The following H3-7 variants were observed in gnomAD, a reference collection of about 807,000 sequenced individuals.
The protein encoded by H3-7 is histone H3-7.
chr1:143,904,325 G>T, the H3-7 span: 6 of 1,578,322 alleles, frequency 3.8e-6, 1 homozygote, highest in East Asian at 4.6e-5. Flanking sequence ...TCTGGATCTC[G>T]CGGGACGTGA....
At chr1:143,905,927 C>T in the H3-7 span, 35 of 1,580,148 alleles carry the variant, frequency 2.2e-5, 5 homozygotes, top group East Asian at 6.9e-5. Context: ...GGGGCCTTGC[C>T]GCCGGTCGAC....
the H3-7 span, chr1:143,905,959 C>G: frequency 3.9e-5 from 62 of 1,579,304 alleles, 5 homozygotes; most frequent in East Asian, 4.6e-4. Context: ...CTGCTTAGTA[C>G]GGGCCATGCT....
the H3-7 span, chr1:143,905,658 C>T: frequency 1.3e-6 from 2 of 1,582,958 alleles, no homozygotes; most frequent in South Asian, 1.1e-5. Context: ...CTTCGAACAG[C>T]CCCACCAGGT....
chr1:143,904,629 A>C, the H3-7 span: 1 of 1,580,052 alleles, frequency 6.3e-7, no homozygotes, highest in African/African-American at 1.3e-5. Flanking sequence ...GAGAACAGAG[A>C]CTTAAAGAAG....
chr1:143,904,203 A>G, the H3-7 span: 2 of 1,510,278 alleles, frequency 1.3e-6, no homozygotes, highest in East Asian at 2.3e-5. Context: ...TGGTTGATCT[A>G]TTGCGTCCCT....
chr1:143,904,524 C>T, the H3-7 span: 128 of 1,605,726 alleles, frequency 8.0e-5, no homozygotes, highest in Admixed American at 2.1e-3. Flanking sequence ...GCGCTTCTCG[C>T]CGTCCTTCTT....
At chr1:143,905,769 C>A in the H3-7 span, 4 of 1,582,152 alleles carry the variant, frequency 2.5e-6, no homozygotes, top group East Asian at 9.1e-5. Flanking sequence ...GCTGGAAGGG[C>A]AGCTTGCGGA....
the H3-7 span, chr1:143,904,599 G>A: frequency 3.8e-6 from 6 of 1,586,572 alleles, no homozygotes; most frequent in South Asian, 3.4e-5. Context: ...CGCTGGATCC[G>A]GCATTTTTGC....
At chr1:143,905,973 T>C in the H3-7 span, 22 of 1,578,636 alleles carry the variant, frequency 1.4e-5, 2 homozygotes, top group Non-Finnish European at 1.8e-5. Flanking sequence ...CCATGCTGTC[T>C]CATTGATACG....
chr1:143,905,693 C>T, the H3-7 span: 6 of 1,582,870 alleles, frequency 3.8e-6, no homozygotes, highest in South Asian at 6.8e-5. Flanking sequence ...TCCTGCAGCG[C>T]CATCACGGCC....
At chr1:143,905,828 C>G in the H3-7 span, 1 of 1,582,274 alleles carries the variant, frequency 6.3e-7, no homozygotes, top group Non-Finnish European at 8.7e-7. Context: ...CGCAGAGCCA[C>G]GGTGCCGGGC....
the H3-7 span, among the ~76,000 whole-genome samples, chr1:143,903,301 G>A: frequency 1.0e-5 from 1 of 96,402 alleles, no homozygotes; most frequent in Admixed American, 1.1e-4. Flanking sequence ...AGAAGGACCT[G>A]TAAACAGCCT....
chr1:143,903,128 C>T, the H3-7 span, among the ~76,000 whole-genome samples: 3 of 139,684 alleles, frequency 2.1e-5, no homozygotes, highest in South Asian at 4.9e-4. Context: ...GGAGGCGGAG[C>T]TTGCAGTGAG....
At chr1:143,905,365 G>T in the H3-7 span, 15 of 560,326 alleles carry the variant, frequency 2.7e-5, 1 homozygote, top group Non-Finnish European at 4.8e-5. Flanking sequence ...ATGCCTCTGC[G>T]GCTTTCTCTA....
chr1:143,905,499 A>T, the H3-7 span: 1 of 1,272,282 alleles, frequency 7.9e-7, no homozygotes, highest in African/African-American at 1.5e-5. Flanking sequence ...GCTGCTCTTG[A>T]TGAAAACGGC....
the H3-7 span, chr1:143,904,399 C>T: frequency 5.1e-6 from 8 of 1,582,898 alleles, 2 homozygotes; most frequent in African/African-American, 5.4e-5. Context: ...TCGAAGATGT[C>T]GTTGACGAAG....
At chr1:143,904,529 C>T in the H3-7 span, 3 of 1,600,512 alleles carry the variant, frequency 1.9e-6, no homozygotes, top group Non-Finnish European at 2.6e-6. Context: ...TCTCGCCGTC[C>T]TTCTTCTGCA....
At chr1:143,903,289 G>A in the H3-7 span, among the ~76,000 whole-genome samples, 1 of 102,966 alleles carries the variant, frequency 9.7e-6, no homozygotes, top group African/African-American at 3.8e-5. Flanking sequence ...ATTTTCCTGT[G>A]GAGAAGGACC....
the H3-7 span, chr1:143,905,652 G>T: frequency 1.8e-5 from 29 of 1,582,732 alleles, 6 homozygotes; most frequent in Non-Finnish European, 2.5e-5. Flanking sequence ...TCGTGTCTTC[G>T]AACAGCCCCA....
Sources: allele counts gnomAD v4.1 joint callset (sites outside exome capture counted in the v4.1 genomes callset), GRCh38; gene constraint gnomAD v4.1.1; transcripts MANE v1.5; gene names NCBI Gene and HGNC (gene_info 2026-07-23, HGNC 2026-07-21).